MAF: variants seen among roughly 807,000 people sequenced by gnomAD.
MAF encodes MAF bZIP transcription factor.
MAF carries 10 observed loss-of-function variants against 22.0 expected under a neutral mutation model. The observed-to-expected ratio is 0.45, with a 90% CI of 0.28 to 0.77. The LOEUF is 0.77. Among genes scored for constraint, MAF ranks in the 30% least tolerant of loss-of-function variants. The pLI is 0.12. For missense variants in MAF, 544 were observed against 548.4 expected (o/e 0.99, Z 0.08); for synonymous variants, 337 against 255.8 (o/e 1.32, Z -3.03).
downstream of MAF, among the ~76,000 whole-genome samples, chr16:79,589,861 G>C (rs1913085154): frequency 6.6e-6 from 1 of 152,200 alleles, no homozygotes; most frequent in Non-Finnish European, 1.5e-5. Flanking sequence ...TAGCGCCCCC[G>C]GGCGCCGGGC....
the MAF span, among the ~76,000 whole-genome samples, chr16:79,236,063 T>G: frequency 1.3e-5 from 2 of 152,102 alleles, no homozygotes; most frequent in Non-Finnish European, 2.9e-5. Context: ...GACACTCCCA[T>G]AGTCCATGCT....
chr16:79,592,881 C>A (rs1038693173), downstream of MAF, among the ~76,000 whole-genome samples: 1 of 152,182 alleles, frequency 6.6e-6, no homozygotes, highest in African/African-American at 2.4e-5. Flanking sequence ...TAGTGGGGAA[C>A]CTTGCAAATC....
At chr16:79,348,644 C>T in the MAF span, among the ~76,000 whole-genome samples, 2 of 152,178 alleles carry the variant, frequency 1.3e-5, no homozygotes, top group Non-Finnish European at 2.9e-5. Context: ...ACTCCAACGA[C>T]GGGGAAACAA....
At chr16:79,246,655 A>C in the MAF span, among the ~76,000 whole-genome samples, 1 of 152,168 alleles carries the variant, frequency 6.6e-6, no homozygotes, top group Non-Finnish European at 1.5e-5. Flanking sequence ...TCCAACATGA[A>C]ATGTGTTAAT....
the MAF span, among the ~76,000 whole-genome samples, chr16:79,464,162 T>C: frequency 2.9e-3 from 442 of 152,284 alleles, 4 homozygotes; most frequent in African/African-American, 0.01. Flanking sequence ...GAATCAATCA[T>C]GCATTGTGCA....
chr16:79,402,592 A>G, the MAF span, among the ~76,000 whole-genome samples: 1 of 152,300 alleles, frequency 6.6e-6, no homozygotes, highest in African/African-American at 2.4e-5. Context: ...GTGCAGGCTG[A>G]GGCCAGAGGA....
the MAF span, among the ~76,000 whole-genome samples, chr16:79,294,200 G>C: frequency 3.9e-5 from 6 of 152,136 alleles, no homozygotes; most frequent in African/African-American, 1.4e-4. Flanking sequence ...TGAATATCAA[G>C]AGCTCCTGAG....
chr16:79,359,315 G>T, the MAF span, among the ~76,000 whole-genome samples: 1 of 152,304 alleles, frequency 6.6e-6, no homozygotes, highest in Non-Finnish European at 1.5e-5. Context: ...AGTTCCAGTA[G>T]CTTTTACAGA....
At chr16:79,475,042 C>T in the MAF span, among the ~76,000 whole-genome samples, 2 of 152,216 alleles carry the variant, frequency 1.3e-5, no homozygotes, top group Non-Finnish European at 2.9e-5. Flanking sequence ...AGGCAGTGCA[C>T]ACATGGCCTT....
chr16:79,560,768 A>C, the MAF span, among the ~76,000 whole-genome samples: 1 of 152,188 alleles, frequency 6.6e-6, no homozygotes, highest in Non-Finnish European at 1.5e-5. Flanking sequence ...TATTCTTCTG[A>C]AAGCCCATTC....
chr16:79,495,788 T>A, the MAF span, among the ~76,000 whole-genome samples: 1 of 152,256 alleles, frequency 6.6e-6, no homozygotes, highest in South Asian at 2.1e-4. Flanking sequence ...AGAAACAGTC[T>A]CTACACTGGT....
the MAF span, among the ~76,000 whole-genome samples, chr16:79,214,286 G>C: frequency 2.6e-5 from 4 of 152,188 alleles, no homozygotes; most frequent in South Asian, 8.3e-4. Context: ...ACAGTACCTT[G>C]AACTGCTCCT....
the MAF span, among the ~76,000 whole-genome samples, chr16:79,400,161 C>T: frequency 6.6e-6 from 1 of 152,188 alleles, no homozygotes; most frequent in Admixed American, 6.5e-5. Context: ...TGTGGTTAAA[C>T]ATCCTACAAT....
chr16:79,591,054 G>T (rs1443172284), downstream of MAF, among the ~76,000 whole-genome samples: 1 of 152,086 alleles, frequency 6.6e-6, no homozygotes, highest in Non-Finnish European at 1.5e-5. Context: ...TCCTTGTTGG[G>T]GATTCTGGAA....
the MAF span, among the ~76,000 whole-genome samples, chr16:79,358,878 G>T: frequency 6.6e-6 from 1 of 152,192 alleles, no homozygotes; most frequent in Non-Finnish European, 1.5e-5. Flanking sequence ...AGGCTGCTCC[G>T]ATGGGAGGGA....
At chr16:79,336,679 G>A in the MAF span, among the ~76,000 whole-genome samples, 1 of 152,206 alleles carries the variant, frequency 6.6e-6, no homozygotes, top group African/African-American at 2.4e-5. Context: ...ACAAAGCTGA[G>A]AACATAGTCA....
the MAF span, among the ~76,000 whole-genome samples, chr16:79,541,200 T>C: frequency 1.3e-5 from 2 of 152,202 alleles, no homozygotes. Context: ...CTGCTGCTTC[T>C]TCAACGACTG....
the MAF span, among the ~76,000 whole-genome samples, chr16:79,270,266 A>C: frequency 6.6e-6 from 1 of 152,030 alleles, no homozygotes; most frequent in Non-Finnish European, 1.5e-5. Context: ...TGCTGGCCTG[A>C]GGGCTGCAGG....
At chr16:79,365,448 G>C in the MAF span, among the ~76,000 whole-genome samples, 71 of 152,330 alleles carry the variant, frequency 4.7e-4, no homozygotes, top group African/African-American at 1.5e-3. Flanking sequence ...TACAGTGCCA[G>C]GGATATAGAT....
Sources: gnomAD v4.1 joint callset for allele counts (sites outside exome capture counted in the v4.1 genomes callset) on GRCh38, gnomAD v4.1.1 for gene constraint, MANE v1.5 for transcripts, NCBI Gene and HGNC (gene_info 2026-07-23, HGNC 2026-07-21) for gene names.